SPTLC3: variants seen among roughly 807,000 people sequenced by gnomAD.
SPTLC3 encodes the protein serine palmitoyltransferase long chain base subunit 3.
A neutral mutation model predicts 59.3 loss-of-function variants in SPTLC3; 36 were observed. The observed-to-expected ratio is 0.61, with a 90% CI of 0.47 to 0.80. The LOEUF is 0.80. Ranked by LOEUF, SPTLC3 falls within the 30% of genes least tolerant of loss-of-function variation. The pLI is 0.00. For missense variants in SPTLC3, 625 were observed against 685.1 expected (o/e 0.91, Z 0.98); for synonymous variants, 257 against 240.8 (o/e 1.07, Z -0.62).
chr20:13,077,586 G>C lies in SPTLC3; in HGVS notation c.607+3089G>C, dbSNP rs576131898. Among the ~76,000 whole-genome samples, 23 of 152,150 alleles carry C rather than the reference G, an allele frequency of 1.5e-4. No homozygotes were observed. In the South Asian group the frequency reaches 4.8e-3, roughly 32 times the overall value. On this transcript the variant is annotated intron_variant, in intron 4 of 11. Coordinates refer to ENST00000399002, the MANE Select transcript of SPTLC3 (RefSeq NM_018327.4). ...ATTAATAAGAAACTAACAAGTATGA[G>C]ATTATGGGAAGCAGCTAGTTGTGTA... is the stretch of plus-strand genomic sequence containing the variant.
chr20:13,009,780 G>A (rs1352482409), intron 1 of SPTLC3, among the ~76,000 whole-genome samples: 1 of 152,174 alleles, frequency 6.6e-6, no homozygotes, highest in East Asian at 1.9e-4. Context: ...AGTACATTTT[G>A]CTGACATTAT....
At chr20:13,134,610 G>T (rs2038200549) in intron 9 of SPTLC3, among the ~76,000 whole-genome samples, 1 of 152,132 alleles carries the variant, frequency 6.6e-6, no homozygotes, top group Admixed American at 6.5e-5. Context: ...TGAATCAGCT[G>T]TTTTAACCAT....
At chr20:13,026,606 A>G (rs1426499387) in intron 1 of SPTLC3, among the ~76,000 whole-genome samples, 3 of 152,184 alleles carry the variant, frequency 2.0e-5, no homozygotes, top group East Asian at 1.9e-4. Flanking sequence ...TAAAGCATCA[A>G]TACGTCTTCA....
chr20:13,130,392 T>C (rs1666974258), intron 9 of SPTLC3, among the ~76,000 whole-genome samples: 1 of 151,934 alleles, frequency 6.6e-6, no homozygotes. Context: ...TTCAAGGCTT[T>C]GTTTCAGGTT....
chr20:13,096,280 T>C (rs1414294271), intron 6 of SPTLC3, among the ~76,000 whole-genome samples: 2 of 152,150 alleles, frequency 1.3e-5, no homozygotes. Flanking sequence ...CCTAGATATT[T>C]ACCCAAGAGG....
intron 1 of SPTLC3, among the ~76,000 whole-genome samples, chr20:13,043,437 G>A (rs1019940311): frequency 6.6e-6 from 1 of 152,194 alleles, no homozygotes; most frequent in Non-Finnish European, 1.5e-5. Context: ...ACAAAAGTCT[G>A]TTTGTGAATG....
At chr20:13,038,712 T>G (rs1986845273) in intron 1 of SPTLC3, among the ~76,000 whole-genome samples, 1 of 152,160 alleles carries the variant, frequency 6.6e-6, no homozygotes, top group African/African-American at 2.4e-5. Context: ...GTTTTACTTT[T>G]TCCATGGTCT....
intron 4 of SPTLC3, among the ~76,000 whole-genome samples, chr20:13,074,870 A>G (rs189027266): frequency 2.6e-5 from 4 of 152,218 alleles, no homozygotes; most frequent in African/African-American, 7.2e-5. Context: ...CTCCTAAAAC[A>G]TAAGCTTTGT....
chr20:13,012,558 G>A (rs1032765311), intron 1 of SPTLC3, among the ~76,000 whole-genome samples: 7 of 152,178 alleles, frequency 4.6e-5, no homozygotes, highest in African/African-American at 1.4e-4. Context: ...ACAAATGAGT[G>A]GTATAGATAC....
At chr20:13,109,360 A>C (rs1479785087) in intron 6 of SPTLC3, among the ~76,000 whole-genome samples, 1 of 152,232 alleles carries the variant, frequency 6.6e-6, no homozygotes, top group Admixed American at 6.5e-5. Flanking sequence ...TACAGACTAC[A>C]TGGGTTCAAA....
At chr20:13,038,952 A>G (rs73898290) in intron 1 of SPTLC3, among the ~76,000 whole-genome samples, 2,772 of 151,982 alleles carry the variant, frequency 0.018, 96 homozygotes, top group African/African-American at 0.064. Flanking sequence ...AAATTTTCCC[A>G]TTTTTTCTGT....
chr20:13,150,270 A>G (rs1203812296), intron 9 of SPTLC3, among the ~76,000 whole-genome samples: 3 of 152,162 alleles, frequency 2.0e-5, no homozygotes, highest in Non-Finnish European at 4.4e-5. Context: ...TGCACTTCCA[A>G]TAGGCTCTGT....
intron 4 of SPTLC3, among the ~76,000 whole-genome samples, chr20:13,088,475 C>G (rs1345414881): frequency 6.8e-6 from 1 of 147,918 alleles, no homozygotes; most frequent in African/African-American, 2.5e-5. Context: ...GCTGGGACTA[C>G]AGGCGCCCGC....
intron 6 of SPTLC3, among the ~76,000 whole-genome samples, chr20:13,101,658 T>C (rs779273176): frequency 2.6e-5 from 4 of 152,224 alleles, no homozygotes; most frequent in Admixed American, 6.5e-5. Context: ...ATGGTGTTTC[T>C]GGTGCATTTT....
At chr20:13,102,555 T>G (rs1989641244) in intron 6 of SPTLC3, among the ~76,000 whole-genome samples, 1 of 152,156 alleles carries the variant, frequency 6.6e-6, no homozygotes, top group South Asian at 2.1e-4. Flanking sequence ...TGTTTGCCCC[T>G]GGATGGCAGA....
chr20:13,056,983 G>T (rs924967634), intron 2 of SPTLC3, among the ~76,000 whole-genome samples: 1 of 151,090 alleles, frequency 6.6e-6, no homozygotes, highest in Admixed American at 6.6e-5. Context: ...CTCATTATCT[G>T]CCTGCCTCAG....
intron 9 of SPTLC3, among the ~76,000 whole-genome samples, chr20:13,128,865 C>T (rs1040391669): frequency 7.1e-6 from 1 of 140,472 alleles, no homozygotes; most frequent in African/African-American, 2.7e-5. Flanking sequence ...CCACCATGCC[C>T]AGCTAATTTT....
intron 2 of SPTLC3, among the ~76,000 whole-genome samples, chr20:13,051,922 A>C (rs1238379698): frequency 1.3e-5 from 2 of 152,136 alleles, no homozygotes; most frequent in African/African-American, 2.4e-5. Flanking sequence ...TCAAAACCTA[A>C]GGCAGTGCTA....
At chr20:13,069,618 G>C (rs7268756) in intron 2 of SPTLC3, among the ~76,000 whole-genome samples, 1 of 151,910 alleles carries the variant, frequency 6.6e-6, no homozygotes, top group Non-Finnish European at 1.5e-5. Context: ...TCGCTCACCC[G>C]CTGCTCACCT....
Sources: allele counts gnomAD v4.1 joint callset (sites outside exome capture counted in the v4.1 genomes callset), GRCh38; gene constraint gnomAD v4.1.1; transcripts MANE v1.5; gene names NCBI Gene and HGNC (gene_info 2026-07-23, HGNC 2026-07-21).